The following SUCLA2 variants were observed in gnomAD, a reference collection of about 807,000 sequenced individuals.
The protein encoded by SUCLA2 is succinate--CoA ligase [ADP-forming] subunit beta, mitochondrial.
A neutral mutation model predicts 54.8 loss-of-function variants in SUCLA2; 30 were observed. The observed-to-expected ratio is 0.55, with a 90% CI of 0.41 to 0.74. SUCLA2 has a LOEUF of 0.74. Ranked by LOEUF, SUCLA2 falls within the 30% of genes least tolerant of loss-of-function variation. The pLI is 0.00. For synonymous variants in SUCLA2, 172 were observed against 188.9 expected, an observed-to-expected ratio of 0.91 and a Z score of 0.74; for missense variants, 476 against 562.9, an observed-to-expected ratio of 0.85 and a Z score of 1.56.
intron 4 of SUCLA2, among the ~76,000 whole-genome samples, chr13:47,976,584 C>T (rs1213718359): frequency 1.3e-5 from 2 of 152,156 alleles, no homozygotes; most frequent in Non-Finnish European, 2.9e-5. Context: ...AGGCTCATGG[C>T]AGTACCAGAA....
At chr13:47,965,738 G>A in intron 6 of SUCLA2, 1 of 396,130 alleles carries the variant, frequency 2.5e-6, no homozygotes, top group Non-Finnish European at 4.4e-6. Flanking sequence ...TAAATTTCTT[G>A]GTTTTAATAA....
At position 47,948,752 on chromosome 13, in the gene SUCLA2, G is replaced by A. The variant is rs115548571; in HGVS notation, c.1317+188C>T. On this transcript the variant is annotated intron_variant, in intron 10 of 10. Coordinates refer to ENST00000646932, the MANE Select transcript of SUCLA2 (RefSeq NM_003850.3). ...CACTGCAGTAGTCTCTATGCTTATT[G>A]CAACAGTCCCTCTGAATAAAGTCTG... 5.7e-3 allele frequency among the ~76,000 whole-genome samples: 867 copies of A among 152,204 alleles called. 5 individuals carry two copies. The highest frequency in any genetic ancestry group is 0.018 in the African/African-American group (762 of 41,530).
intron 4 of SUCLA2, among the ~76,000 whole-genome samples, chr13:47,982,428 G>C (rs116157701): frequency 0.014 from 2,203 of 152,150 alleles, 62 homozygotes; most frequent in African/African-American, 0.051. Context: ...AGGGAAGTGG[G>C]AGAGGGAAAA....
chr13:47,998,704 T>A (rs546475159), intron 1 of SUCLA2, among the ~76,000 whole-genome samples: 23 of 152,248 alleles, frequency 1.5e-4, no homozygotes, highest in South Asian at 6.2e-4. Context: ...AAAATTAGCC[T>A]ATGGTGACAG....
At position 47,988,437 on chromosome 13, in the gene SUCLA2, T is replaced by C. The variant is rs115177648; in HGVS notation, c.534+104A>G. The C allele has an allele frequency of 0.029, 38,510 of 1,332,558 alleles. 818 individuals carry two copies. The highest frequency in any genetic ancestry group is 0.079 in the South Asian group (6,556 of 82,492). The allele number at this position is 1,332,558 out of a possible 1,614,324, so 82.5% of individuals were successfully genotyped here. A position where few individuals can be genotyped will look rare whatever the true frequency, so the allele number is the denominator to read the frequency against. On this transcript the variant is annotated intron_variant, in intron 4 of 10. Coordinates refer to ENST00000646932, the MANE Select transcript of SUCLA2 (RefSeq NM_003850.3). ...CTCATGACATACAAACAGATTATAA[T>C]TTGTACTTTTAAAATCTTTCCCACA... is the stretch of plus-strand genomic sequence containing the variant.
At chr13:47,947,099 G>A (rs892908145) in intron 10 of SUCLA2, among the ~76,000 whole-genome samples, 2 of 152,066 alleles carry the variant, frequency 1.3e-5, no homozygotes, top group Non-Finnish European at 2.9e-5. Context: ...ACCAGATAGA[G>A]GGCTTCTCAG....
chr13:47,950,807 G>A (rs1465966601), intron 8 of SUCLA2, among the ~76,000 whole-genome samples: 1 of 152,172 alleles, frequency 6.6e-6, no homozygotes, highest in Non-Finnish European at 1.5e-5. Context: ...CTCAGGGCCA[G>A]TGGACTCTGA....
intron 4 of SUCLA2, among the ~76,000 whole-genome samples, chr13:47,975,635 T>C (rs1392782889): frequency 6.6e-6 from 1 of 152,162 alleles, no homozygotes; most frequent in African/African-American, 2.4e-5. Flanking sequence ...TGTTAAACTT[T>C]TATTTAGGAA....
intron 4 of SUCLA2, among the ~76,000 whole-genome samples, chr13:47,978,169 A>C (rs1463835484): frequency 2.6e-5 from 4 of 152,228 alleles, no homozygotes; most frequent in African/African-American, 4.8e-5. Context: ...AAACTACTGT[A>C]AATTTCATAT....
intron 3 of SUCLA2, 71 bp from the exon 4 acceptor site, chr13:47,988,774 A>G: frequency 6.3e-7 from 1 of 1,598,978 alleles, no homozygotes. Context: ...ATAATAGCCA[A>G]AATTTTATCT....
At chr13:47,965,516 C>A (rs868082919) in intron 6 of SUCLA2, 6,636 of 283,326 alleles carry the variant, frequency 0.023, 217 homozygotes, top group African/African-American at 0.11. Context: ...AACAAACAAA[C>A]AAAAAAAAAA....
intron 8 of SUCLA2, among the ~76,000 whole-genome samples, chr13:47,953,693 C>G (rs2406694): frequency 0.94 from 142,392 of 152,174 alleles, 66,650 homozygotes; most frequent in East Asian, 1. Context: ...AGTAAGATAT[C>G]ATCCCTATCA....
At position 47,975,165 on chromosome 13, in the gene SUCLA2, CTTTTT is replaced by C. The variant is rs200391823; in HGVS notation, c.535-1778_535-1774del. ...AATTCCACTTTTCTTTCTTTCTTTT[CTTTTT>C]TTTTTTTTTATCTGGAGTGTCGTTC... On this transcript the variant is annotated intron_variant, in intron 4 of 10. Coordinates refer to ENST00000646932, the MANE Select transcript of SUCLA2 (RefSeq NM_003850.3). Among the ~76,000 whole-genome samples, 20 of 145,072 alleles carry C rather than the reference CTTTTT, an allele frequency of 1.4e-4. No homozygotes were observed. In the East Asian group the frequency reaches 3.4e-3, roughly 25 times the overall value.
intron 2 of SUCLA2, among the ~76,000 whole-genome samples, chr13:47,995,113 C>CA (rs1476842357): frequency 6.6e-6 from 1 of 152,130 alleles, no homozygotes; most frequent in African/African-American, 2.4e-5. Flanking sequence ...TCCAGCTACT[C>CA]AGAGGCCTAA....
chr13:47,956,042 C>T (rs1288302707), intron 6 of SUCLA2, among the ~76,000 whole-genome samples: 3 of 152,104 alleles, frequency 2.0e-5, no homozygotes, highest in Non-Finnish European at 4.4e-5. Context: ...CTTACTAGAT[C>T]CGTAATGAAA....
chr13:47,944,227 A>C (rs562713800), intron 10 of SUCLA2, among the ~76,000 whole-genome samples: 1 of 152,310 alleles, frequency 6.6e-6, no homozygotes, highest in African/African-American at 2.4e-5. Flanking sequence ...TTTTATCACC[A>C]AATTCATATT....
chr13:47,975,704 A>T (rs765370866), intron 4 of SUCLA2, among the ~76,000 whole-genome samples: 8 of 152,188 alleles, frequency 5.3e-5, no homozygotes, highest in Non-Finnish European at 1.0e-4. Context: ...AGGAATTCGG[A>T]TGACTTTTGT....
chr13:47,988,631 C>T lies in SUCLA2; in HGVS notation c.444G>A (p.Lys148=), dbSNP rs748835791. ...CCAATACTTGATTGCATATTCTGCC[C>T]TTTTCTCCCGTTTGCTTGGTAAACA... The part of the protein sequence containing the change: ...KKLFTKQTGE[K]GRICNQVLVC... The change falls in exon 4 of 11, where the codon AAG becomes AAA. Residue 148 remains lysine (K), a synonymous_variant. Transcript: ENST00000646932. The T allele has an allele frequency of 1.2e-6, 2 of 1,613,800 alleles. No homozygotes were observed. The highest frequency in any genetic ancestry group is 2.7e-5 in the African/African-American group (2 of 74,894).
intron 4 of SUCLA2, among the ~76,000 whole-genome samples, chr13:47,984,233 A>G (rs1950081600): frequency 6.6e-6 from 1 of 150,576 alleles, no homozygotes; most frequent in Non-Finnish European, 1.5e-5. Flanking sequence ...TCACTCTGTC[A>G]CCCAGGCTGG....
Sources: gnomAD v4.1 joint callset for allele counts (sites outside exome capture counted in the v4.1 genomes callset) on GRCh38, gnomAD v4.1.1 for gene constraint, MANE v1.5 for transcripts, NCBI Gene and HGNC (gene_info 2026-07-23, HGNC 2026-07-21) for gene names.